The following TBC1D19 variants were observed in gnomAD, a reference collection of about 807,000 sequenced individuals.
The protein encoded by TBC1D19 is TBC1 domain family, member 19.
In TBC1D19, 60 loss-of-function variants were observed where a neutral mutation model predicts 89.0. The ratio of observed to expected loss-of-function variants is 0.67; its 90% confidence interval spans 0.55 to 0.84. The LOEUF is 0.84. Ranked by LOEUF, TBC1D19 falls within the 40% of genes least tolerant of loss-of-function variation. The pLI, the probability that TBC1D19 is intolerant of heterozygous loss-of-function variation, is 0.00. For missense variants in TBC1D19, 500 were observed against 610.8 expected, an observed-to-expected ratio of 0.82 and a Z score of 1.91; for synonymous variants, 189 against 199.7, an observed-to-expected ratio of 0.95 and a Z score of 0.45.
chr4:26,629,916 G>A (rs1742696215), intron 4 of TBC1D19, among the ~76,000 whole-genome samples: 1 of 151,576 alleles, frequency 6.6e-6, no homozygotes. Context: ...ATTAATATTG[G>A]TTGTTTTTGT....
the TBC1D19 span, among the ~76,000 whole-genome samples, chr4:26,813,228 G>C: frequency 3.9e-5 from 6 of 151,974 alleles, no homozygotes; most frequent in Admixed American, 6.6e-5. Flanking sequence ...TCCAGCCTGG[G>C]TGACAGAGAA....
the TBC1D19 span, among the ~76,000 whole-genome samples, chr4:26,815,979 T>C: frequency 6.6e-6 from 1 of 152,184 alleles, no homozygotes; most frequent in Non-Finnish European, 1.5e-5. Flanking sequence ...TCCACAGAAC[T>C]GAAGCACCAT....
Position 26,742,706 on chromosome 4 carries a change from T to A in TBC1D19, c.1319+107T>A, listed in dbSNP as rs751745000. On this transcript the variant is annotated intron_variant, in intron 18 of 20. Transcript: ENST00000264866. The stretch of plus-strand genomic sequence containing the variant: ...ACGTAATTTTTCAGAGACATTAAGC[T>A]AACAGTTTTCCTAATAAAACTATAA... The A allele has an allele frequency of 5.6e-5, 40 of 710,832 alleles. No individual in the cohort carries two copies. In the Middle Eastern group the frequency reaches 1.3e-3, roughly 22 times the overall value. 44.0% of individuals were successfully genotyped at this position (710,832 alleles called of 1,614,324 possible). A position where few individuals can be genotyped will look rare whatever the true frequency, so the allele number is the denominator to read the frequency against.
chr4:26,643,982 T>A (rs1274742430), intron 7 of TBC1D19, among the ~76,000 whole-genome samples: 2 of 152,332 alleles, frequency 1.3e-5, no homozygotes, highest in African/African-American at 4.8e-5. Flanking sequence ...CACAGCCGAA[T>A]TCTACCAGAG....
chr4:26,827,912 G>A, the TBC1D19 span, among the ~76,000 whole-genome samples: 265 of 152,132 alleles, frequency 1.7e-3, 1 homozygote, highest in African/African-American at 6.0e-3. Context: ...TGAGATTAAC[G>A]TAGGCCACCT....
chr4:26,712,004 A>C (rs1577971873), intron 13 of TBC1D19, among the ~76,000 whole-genome samples: 1 of 152,052 alleles, frequency 6.6e-6, no homozygotes, highest in South Asian at 2.1e-4. Context: ...CTAGGGCAAC[A>C]GGGACTCTAG....
chr4:26,713,795 AC>A (rs953737495), intron 13 of TBC1D19, among the ~76,000 whole-genome samples: 3 of 152,144 alleles, frequency 2.0e-5, no homozygotes, highest in African/African-American at 7.2e-5. Context: ...TGGAAAAAGA[AC>A]ACAAGGGATA....
chr4:26,653,354 G>A (rs1744543656), intron 7 of TBC1D19, among the ~76,000 whole-genome samples: 1 of 152,138 alleles, frequency 6.6e-6, no homozygotes, highest in Non-Finnish European at 1.5e-5. Context: ...GTTGACTTGG[G>A]GTGGAGAGTT....
chr4:26,733,169 A>G (rs1028806111), intron 15 of TBC1D19, among the ~76,000 whole-genome samples: 5 of 152,226 alleles, frequency 3.3e-5, no homozygotes, highest in Admixed American at 6.5e-5. Context: ...TTGGCCTGGC[A>G]TACCAGCTCA....
At chr4:26,761,403 G>C in the TBC1D19 span, among the ~76,000 whole-genome samples, 1 of 152,062 alleles carries the variant, frequency 6.6e-6, no homozygotes, top group Non-Finnish European at 1.5e-5. Flanking sequence ...AGTTTTCAAT[G>C]TACAGTTCTT....
the TBC1D19 span, among the ~76,000 whole-genome samples, chr4:26,775,605 T>C: frequency 3.3e-5 from 5 of 152,286 alleles, no homozygotes; most frequent in Non-Finnish European, 7.4e-5. Flanking sequence ...CACCATCAGA[T>C]GACACAGCAA....
intron 3 of TBC1D19, among the ~76,000 whole-genome samples, chr4:26,619,834 G>A (rs1445839444): frequency 2.0e-5 from 3 of 152,200 alleles, no homozygotes; most frequent in East Asian, 3.9e-4. Flanking sequence ...ACAGATGCAA[G>A]TGGTTTTGAA....
At chr4:26,619,997 T>TG (rs1741937857) in intron 3 of TBC1D19, among the ~76,000 whole-genome samples, 1 of 152,220 alleles carries the variant, frequency 6.6e-6, no homozygotes, top group Non-Finnish European at 1.5e-5. Flanking sequence ...TGTTGTGAAA[T>TG]GGATTGGAAT....
chr4:26,778,903 G>A, the TBC1D19 span, among the ~76,000 whole-genome samples: 4 of 152,176 alleles, frequency 2.6e-5, no homozygotes, highest in Admixed American at 1.3e-4. Flanking sequence ...ATATCCCTTG[G>A]AATAATTTTT....
intron 13 of TBC1D19, among the ~76,000 whole-genome samples, chr4:26,690,278 A>G (rs554824528): frequency 6.6e-6 from 1 of 152,222 alleles, no homozygotes; most frequent in African/African-American, 2.4e-5. Flanking sequence ...TGCCATCTCC[A>G]TAACTTAAAA....
At chr4:26,722,850 G>C (rs539897903) in intron 15 of TBC1D19, among the ~76,000 whole-genome samples, 1 of 152,208 alleles carries the variant, frequency 6.6e-6, no homozygotes, top group South Asian at 2.1e-4. Context: ...CCTATTTACA[G>C]ATAAAGAAAC....
the TBC1D19 span, among the ~76,000 whole-genome samples, chr4:26,790,896 T>G: frequency 5.3e-5 from 8 of 152,200 alleles, no homozygotes; most frequent in Admixed American, 5.2e-4. Context: ...TTAAAATAAT[T>G]TGCTTATATG....
the TBC1D19 span, among the ~76,000 whole-genome samples, chr4:26,761,753 G>A: frequency 6.6e-6 from 1 of 152,128 alleles, no homozygotes; most frequent in Non-Finnish European, 1.5e-5. Flanking sequence ...AATTTTAAAG[G>A]AAATGTACTT....
downstream of TBC1D19, among the ~76,000 whole-genome samples, chr4:26,756,344 T>G: frequency 6.6e-6 from 1 of 152,132 alleles, no homozygotes; most frequent in East Asian, 1.9e-4. Flanking sequence ...AGGAAGAGAG[T>G]GAGTTTTAAA....
Sources: gnomAD v4.1 joint callset for allele counts (sites outside exome capture counted in the v4.1 genomes callset) on GRCh38, gnomAD v4.1.1 for gene constraint, MANE v1.5 for transcripts, NCBI Gene and HGNC (gene_info 2026-07-23, HGNC 2026-07-21) for gene names.